Variants in VWA5A observed in about 807,000 individuals in gnomAD.
The protein encoded by VWA5A is von Willebrand factor A domain-containing protein 5A.
In VWA5A, 77 loss-of-function variants were observed where a neutral mutation model predicts 84.6. The ratio of observed to expected loss-of-function variants is 0.91; its 90% CI spans 0.76 to 1.10. The LOEUF is 1.10. Among genes scored for constraint, VWA5A ranks in the 50% least tolerant of loss-of-function variants. VWA5A has a pLI of 0.00. For synonymous variants in VWA5A, 334 were observed against 350.1 expected (o/e 0.95, Z 0.51); for missense variants, 973 against 963.0 (o/e 1.01, Z -0.14).
At chr11:124,127,857 G>GGTT (rs1865042490) in intron 11 of VWA5A, among the ~76,000 whole-genome samples, 1 of 151,974 alleles carries the variant, frequency 6.6e-6, no homozygotes, top group South Asian at 2.1e-4. Context: ...TTTTTGATGG[G>GGTT]GTTGTTTGTT....
At chr11:124,118,001 C>A (rs2137624729) in intron 4 of VWA5A, 126 bp downstream of exon 4, 1 of 1,337,792 alleles carries the variant, frequency 7.5e-7, no homozygotes, top group South Asian at 1.5e-5. Context: ...AAAGCTCTTT[C>A]TTCCACTCTT....
intron 7 of VWA5A, among the ~76,000 whole-genome samples, chr11:124,119,464 G>A (rs889962940): frequency 2.0e-5 from 3 of 152,166 alleles, no homozygotes; most frequent in African/African-American, 7.2e-5. Flanking sequence ...GCTTTAAAAG[G>A]TTTTCTTAAG....
In VWA5A at chr11:124,118,339, C is replaced by G; in HGVS notation, c.397C>G (p.Leu133Val). The G allele has an allele frequency of 1.2e-6, 2 of 1,614,232 alleles. No homozygotes were observed. Among genetic ancestry groups the G allele is most frequent in the Non-Finnish European group, 1.7e-6 (2 of 1,180,044 alleles). The stretch of plus-strand genomic sequence containing the variant: ...AGTCACCCTGAAGTATGTGCAGGAG[C>G]TGCCTCTGGAAGCAGATGGGGCTCT... ...AAVTLKYVQE[L>V]PLEADGALRF... Residue 133 changes from leucine to valine, a missense_variant, in exon 5 of 19, where the codon CTG (leucine) becomes GTG (valine). Physicochemically the swap from Leu to Val is conservative, Grantham distance 32 (BLOSUM62 1). Coordinates refer to ENST00000456829, the MANE Select transcript of VWA5A (RefSeq NM_001130142.2).
chr11:124,145,837 T>G (rs1565293022), intron 18 of VWA5A, 29 bp from the exon 19 acceptor site: 1 of 1,560,572 alleles, frequency 6.4e-7, no homozygotes, highest in South Asian at 1.2e-5. Flanking sequence ...CAATCCTTCA[T>G]CCCTGCTTCT....
chr11:124,138,138 G>T (rs1277307094), intron 15 of VWA5A, among the ~76,000 whole-genome samples: 1 of 152,188 alleles, frequency 6.6e-6, no homozygotes, highest in African/African-American at 2.4e-5. Flanking sequence ...GCAAATAACA[G>T]AATTTTGTTC....
intron 2 of VWA5A, among the ~76,000 whole-genome samples, 198 bp downstream of exon 2, chr11:124,116,878 A>C (rs1864839500): frequency 6.6e-6 from 1 of 152,214 alleles, no homozygotes; most frequent in African/African-American, 2.4e-5. Context: ...TGGGTCCCAA[A>C]AGAAAAGCCA....
Position 124,141,579 on chromosome 11 carries a change from A to G in VWA5A, c.1880-19A>G. ...AGAGAGCAGGGAGTGCCACTGTCTT[A>G]ATGTTTGGATTTTTTCAGGTTTTCG... On this transcript the variant is annotated intron_variant, in intron 15 of 18. Coordinates refer to ENST00000456829, the MANE Select transcript of VWA5A (RefSeq NM_001130142.2). 6.2e-7 allele frequency: 1 copy of G among 1,613,522 alleles called. No individual in the cohort carries two copies. Among genetic ancestry groups the G allele is most frequent in the Non-Finnish European group, 8.5e-7 (1 of 1,179,742 alleles).
At position 124,147,089 on chromosome 11, in the gene VWA5A, A is replaced by G. The variant is rs1469354273; in HGVS notation, c.*1144A>G. On this transcript the variant is annotated 3_prime_UTR_variant, in exon 19 of 19. Transcript: ENST00000456829. ...AGCTTAGCAAGAGGTCTACTCCTCC[A>G]TAGATTCATTTATTGAACTTACATT... 6.1e-6 allele frequency: 1 copy of G among 165,036 alleles called. No individual in the cohort carries two copies. The highest frequency in any genetic ancestry group is 1.9e-4 in the East Asian group (1 of 5,178). 10.2% of individuals were successfully genotyped at this position (165,036 alleles called of 1,614,324 possible).
intron 11 of VWA5A, among the ~76,000 whole-genome samples, chr11:124,126,521 G>A (rs1470917773): frequency 6.6e-6 from 1 of 152,130 alleles, no homozygotes; most frequent in Non-Finnish European, 1.5e-5. Flanking sequence ...AGCACTTTGG[G>A]AGGCCGAGGC....
Position 124,117,532 on chromosome 11 carries a change from A to G in VWA5A, c.21A>G (p.Leu7=), listed in dbSNP as rs926114661. 3.7e-6 allele frequency: 6 copies of G among 1,613,968 alleles called. No homozygotes were observed. The African/African-American group carries it at 6.7e-5, about 18-fold the overall frequency. MVHFCG[L]LTLHREPVPL... ...TCACCATGGTGCACTTCTGTGGCCTACTCACCCTCCACCGGGAGCCAGGTA... is the reference window on the plus strand; with the variant it reads ...TCACCATGGTGCACTTCTGTGGCCTGCTCACCCTCCACCGGGAGCCAGGTA... The change falls in exon 3 of 19, where the codon CTA becomes CTG. Residue 7 remains leucine, a synonymous_variant. Coordinates refer to ENST00000456829, the MANE Select transcript of VWA5A (RefSeq NM_001130142.2).
intron 13 of VWA5A, 48 bp downstream of exon 13, chr11:124,136,341 G>A (rs1565620449): frequency 4.4e-6 from 7 of 1,587,316 alleles, no homozygotes; most frequent in Non-Finnish European, 6.0e-6. Flanking sequence ...GCTACCACAT[G>A]ACCATTCCAC....
In VWA5A at chr11:124,136,566, A is replaced by G; in HGVS notation, c.1525-8A>G. ...GTTCCGTCATTTCTACTCATCTCTA[A>G]TTTGCAGGCAGCAGAGACAACAGGA... is the stretch of plus-strand genomic sequence containing the variant. On this transcript the variant is annotated splice_polypyrimidine_tract_variant and splice_region_variant and intron_variant, in intron 13 of 18. Transcript: ENST00000456829. The G allele has an allele frequency of 6.2e-7, 1 of 1,613,236 alleles. No homozygotes were observed. Among genetic ancestry groups the G allele is most frequent in the East Asian group, 2.2e-5 (1 of 44,866 alleles).
intron 15 of VWA5A, among the ~76,000 whole-genome samples, chr11:124,140,017 G>C (rs1860696396): frequency 6.8e-6 from 1 of 147,900 alleles, no homozygotes; most frequent in Non-Finnish European, 1.5e-5. Context: ...TGTTGAATTT[G>C]TTTAATACTT....
chr11:124,134,849 C>A, intron 11 of VWA5A, 71 bp from the exon 12 acceptor site: 1 of 1,164,228 alleles, frequency 8.6e-7, no homozygotes, highest in South Asian at 1.7e-5. Flanking sequence ...GTATTTTTGG[C>A]CATTATGTAT....
chr11:124,119,149 C>T lies in VWA5A; in HGVS notation c.760+60C>T, dbSNP rs540909812. 22 of 1,433,022 alleles carry T rather than the reference C, an allele frequency of 1.5e-5. No homozygotes were observed. The African/African-American group carries it at 2.1e-4, about 14-fold the overall frequency. 88.8% of individuals were successfully genotyped at this position (1,433,022 alleles called of 1,614,324 possible). A position where few individuals can be genotyped will look rare whatever the true frequency, so the allele number is the denominator to read the frequency against. ...GGGGCAACTCCCTGTCTTGGAATTA[C>T]TGTCGAATTACTCTCTTTTCTTTCC... is the stretch of plus-strand genomic sequence containing the variant. On this transcript the variant is annotated intron_variant, in intron 7 of 18. Coordinates refer to ENST00000456829, the MANE Select transcript of VWA5A (RefSeq NM_001130142.2).
At chr11:124,125,283 G>GTTTT (rs60887785) in intron 11 of VWA5A, among the ~76,000 whole-genome samples, 1 of 143,978 alleles carries the variant, frequency 6.9e-6, no homozygotes. Flanking sequence ...GTGTCTTATG[G>GTTTT]TTTTTTTTTT....
chr11:124,132,303 C>G (rs1865108665), intron 11 of VWA5A, among the ~76,000 whole-genome samples: 1 of 151,858 alleles, frequency 6.6e-6, no homozygotes, highest in African/African-American at 2.4e-5. Context: ...CATATATTGT[C>G]TTATCTTGTT....
At chr11:124,121,594 G>A (rs991382075) in intron 7 of VWA5A, among the ~76,000 whole-genome samples, 6 of 151,896 alleles carry the variant, frequency 4.0e-5, no homozygotes, top group Non-Finnish European at 7.4e-5. Flanking sequence ...TGGATACCCC[G>A]GCTTAAAATA....
intron 12 of VWA5A, among the ~76,000 whole-genome samples, chr11:124,135,752 G>A (rs1012314775): frequency 4.6e-5 from 7 of 151,076 alleles, no homozygotes; most frequent in African/African-American, 1.7e-4. Context: ...GGATGGTCTC[G>A]ATCTCCTGAC....
Sources: allele counts gnomAD v4.1 joint callset (sites outside exome capture counted in the v4.1 genomes callset), GRCh38; gene constraint gnomAD v4.1.1; transcripts MANE v1.5; gene names NCBI Gene and HGNC (gene_info 2026-07-23, HGNC 2026-07-21).